PRDM4: variants seen among roughly 807,000 people sequenced by gnomAD.
PRDM4 encodes PR domain zinc finger protein 4.
PRDM4 carries 38 observed loss-of-function variants against 62.3 expected under a neutral mutation model. The ratio of observed to expected loss-of-function variants is 0.61; its 90% CI spans 0.47 to 0.80. The LOEUF is 0.80. Among genes scored for constraint, PRDM4 ranks in the 30% least tolerant of loss-of-function variants. The pLI, the probability that PRDM4 is intolerant of heterozygous loss-of-function variation, is 0.00. For missense variants in PRDM4, 858 were observed against 997.1 expected (o/e 0.86, Z 1.88); for synonymous variants, 339 against 348.2 (o/e 0.97, Z 0.30).
chr12:107,741,277 A>G lies in PRDM4; in HGVS notation c.1610-17T>C. ...CAGGAACACCTTTTAAAAAAAAATT[A>G]CTCATTATCTCCCAATACTTGAATC... On this transcript the variant is annotated splice_polypyrimidine_tract_variant and intron_variant, in intron 9 of 11. Coordinates refer to ENST00000228437, the MANE Select transcript of PRDM4 (RefSeq NM_012406.4). 2 of 1,589,880 alleles carry G rather than the reference A, an allele frequency of 1.3e-6. No individual in the cohort carries two copies. The highest frequency in any genetic ancestry group is 1.7e-6 in the Non-Finnish European group (2 of 1,163,520).
At chr12:107,740,087 T>C (rs1173880720) in intron 10 of PRDM4, among the ~76,000 whole-genome samples, 1 of 152,166 alleles carries the variant, frequency 6.6e-6, no homozygotes, top group Non-Finnish European at 1.5e-5. Flanking sequence ...TTGTGGGCCA[T>C]AAGGTCTCTG....
rs760813277 is a variant in PRDM4, at chr12:107,756,940, C to T, written c.37G>A (p.Val13Met). Residue 13 changes from valine to methionine, a missense_variant, in exon 3 of 12, where the codon GTG (valine) becomes ATG (methionine). Transcript: ENST00000228437. Reference sequence around the variant, plus strand: ...GATGAAGTCAGCTGCTCCATCCCCACTGGACTCAGGTTCATTTCATTCATC... The same window carrying T: ...GATGAAGTCAGCTGCTCCATCCCCATTGGACTCAGGTTCATTTCATTCATC... ...HRMNEMNLSP[V>M]GMEQLTSSSV... 2.5e-6 allele frequency: 4 copies of T among 1,614,170 alleles called. No homozygotes were observed. The South Asian group carries it at 4.4e-5, about 18-fold the overall frequency.
At chr12:107,744,232 C>T (rs1271767541) in intron 7 of PRDM4, among the ~76,000 whole-genome samples, 1 of 152,048 alleles carries the variant, frequency 6.6e-6, no homozygotes, top group Non-Finnish European at 1.5e-5. Flanking sequence ...ATCATACAAA[C>T]AAAGTCTGTG....
intron 3 of PRDM4, among the ~76,000 whole-genome samples, chr12:107,756,129 G>A (rs1288664295): frequency 2.0e-5 from 3 of 151,854 alleles, no homozygotes; most frequent in African/African-American, 4.8e-5. Context: ...GTGTAGGGGT[G>A]CATGCCTATA....
chr12:107,750,552 T>C (rs1369916467), intron 5 of PRDM4, among the ~76,000 whole-genome samples: 2 of 152,100 alleles, frequency 1.3e-5, no homozygotes, highest in Non-Finnish European at 2.9e-5. Context: ...TAAATTAAAA[T>C]AAGCACTCAA....
Position 107,751,483 on chromosome 12 carries a change from A to G in PRDM4, c.1058T>C (p.Val353Ala). 6.2e-7 allele frequency: 1 copy of G among 1,614,084 alleles called. No individual in the cohort carries two copies. Among genetic ancestry groups the G allele is most frequent in the Non-Finnish European group, 8.5e-7 (1 of 1,179,902 alleles). The change falls in exon 5 of 12, where the codon GTA becomes GCA. Residue 353 changes from valine to alanine, a missense_variant. Transcript: ENST00000228437. The stretch of plus-strand genomic sequence containing the variant: ...GTCTTCCATTTGCAGTGAAGGTGAT[A>G]CAAAAGAAAGACTGTCTGAAGATAC... ...VDVSSDSLSF[V>A]SPSLQMEDSN...
chr12:107,754,663 A>G (rs962985818), intron 3 of PRDM4, among the ~76,000 whole-genome samples: 8 of 152,172 alleles, frequency 5.3e-5, no homozygotes, highest in Admixed American at 2.0e-4. Flanking sequence ...GATTGCCACC[A>G]TGCCCAGCCA....
At chr12:107,742,161 T>C in intron 9 of PRDM4, 60 bp downstream of exon 9, 1 of 1,529,732 alleles carries the variant, frequency 6.5e-7, no homozygotes, top group Non-Finnish European at 8.9e-7. Context: ...ACCAAAACTT[T>C]AATCCTGGTC....
chr12:107,740,684 AT>A (rs1163745085), intron 10 of PRDM4, among the ~76,000 whole-genome samples: 1 of 152,112 alleles, frequency 6.6e-6, no homozygotes, highest in Non-Finnish European at 1.5e-5. Flanking sequence ...AGAAGCTTCT[AT>A]TTAAGACCAA....
At chr12:107,738,207 G>A (rs1171309924) in intron 11 of PRDM4, 1 of 152,140 alleles carries the variant, frequency 6.6e-6, no homozygotes, top group Non-Finnish European at 1.5e-5. Flanking sequence ...TAGACAGGAT[G>A]TTAAGACTAG....
At chr12:107,750,443 C>A (rs1176700839) in intron 5 of PRDM4, among the ~76,000 whole-genome samples, 1 of 152,054 alleles carries the variant, frequency 6.6e-6, no homozygotes, top group Non-Finnish European at 1.5e-5. Context: ...GCTCGGGAGG[C>A]TAAAGTGGGA....
intron 10 of PRDM4, among the ~76,000 whole-genome samples, chr12:107,740,416 G>A (rs750116014): frequency 2.0e-5 from 3 of 152,122 alleles, no homozygotes; most frequent in Non-Finnish European, 4.4e-5. Context: ...GAGTCCTGGA[G>A]GCAGAAGTAG....
In PRDM4 at chr12:107,734,024, A is replaced by C; in HGVS notation, c.*186T>G. ...AACAGGACACATGCTCAGTTTTCCC[A>C]ATCTGTTTTAAAGTGTTTTCATTAG... On this transcript the variant is annotated 3_prime_UTR_variant, in exon 12 of 12. Transcript: ENST00000228437. 1.7e-6 allele frequency: 1 copy of C among 604,996 alleles called. No homozygotes were observed. The highest frequency in any genetic ancestry group is 2.7e-6 in the Non-Finnish European group (1 of 364,648). The allele number at this position is 604,996 out of a possible 1,614,324, so 37.5% of individuals were successfully genotyped here. A position where few individuals can be genotyped will look rare whatever the true frequency, so the allele number is the denominator to read the frequency against.
chr12:107,760,993 C>T lies in PRDM4; in HGVS notation c.-293G>A. 1 of 150,398 alleles carries T rather than the reference C, an allele frequency of 6.6e-6. No individual in the cohort carries two copies. Among genetic ancestry groups the T allele is most frequent in the Middle Eastern group, 3.2e-3 (1 of 314 alleles). 9.3% of individuals were successfully genotyped at this position (150,398 alleles called of 1,614,324 possible). Reference sequence around the variant, plus strand: ...GCTGGGGGCGCACGCGCCTGCCCCACTGCTTTGTTCCTCATCCGGGCAGAG... The same window carrying T: ...GCTGGGGGCGCACGCGCCTGCCCCATTGCTTTGTTCCTCATCCGGGCAGAG... On this transcript the variant is annotated 5_prime_UTR_variant, in exon 1 of 12. In the 5' UTR this introduces an upstream ATG that the reference lacks. Transcript: ENST00000228437.
rs1891217678 is a variant in PRDM4, at chr12:107,760,707, T to C, written c.-192A>G. The C allele has an allele frequency of 4.8e-6, 3 of 625,008 alleles. No individual in the cohort carries two copies. Among genetic ancestry groups the C allele is most frequent in the Admixed American group, 6.2e-5 (2 of 32,152 alleles). The allele number at this position is 625,008 out of a possible 1,614,324, so 38.7% of individuals were successfully genotyped here. A position where few individuals can be genotyped will look rare whatever the true frequency, so the allele number is the denominator to read the frequency against. Reference sequence around the variant, plus strand: ...CGGTGGCCGTGCACCCCGCCACGGGTTGGGGCATCTCGGGGAACACCTGGG... The same window carrying C: ...CGGTGGCCGTGCACCCCGCCACGGGCTGGGGCATCTCGGGGAACACCTGGG... On this transcript the variant is annotated 5_prime_UTR_variant, in exon 2 of 12. Coordinates refer to ENST00000228437, the MANE Select transcript of PRDM4 (RefSeq NM_012406.4).
rs1891215564 is a variant in PRDM4, at chr12:107,760,627, G to C, written c.-112C>G. ...ACATCTTGCTCACAACCGCTGCACC[G>C]ACGCGGCCACTCGTCCCCGGGGTCG... On this transcript the variant is annotated 5_prime_UTR_variant, in exon 2 of 12. Transcript: ENST00000228437. 1 of 1,385,612 alleles carries C rather than the reference G, an allele frequency of 7.2e-7. No homozygotes were observed. 85.8% of individuals were successfully genotyped at this position (1,385,612 alleles called of 1,614,324 possible). A position where few individuals can be genotyped will look rare whatever the true frequency, so the allele number is the denominator to read the frequency against.
At chr12:107,756,785 T>G in intron 3 of PRDM4, 47 bp downstream of exon 3, 2 of 1,606,576 alleles carry the variant, frequency 1.2e-6, no homozygotes, top group Non-Finnish European at 1.7e-6. Flanking sequence ...TTAGAATTGA[T>G]AACAGAGTTA....
At chr12:107,745,262 A>G (rs556123665) in intron 6 of PRDM4, among the ~76,000 whole-genome samples, 5 of 152,228 alleles carry the variant, frequency 3.3e-5, no homozygotes, top group African/African-American at 7.2e-5. Context: ...CTCCAAATAC[A>G]TTATTTTGGA....
Position 107,741,067 on chromosome 12 carries a change from A to G in PRDM4, c.1803T>C (p.Ser601=). 1 of 1,614,150 alleles carries G rather than the reference A, an allele frequency of 6.2e-7. No homozygotes were observed. Among genetic ancestry groups the G allele is most frequent in the Non-Finnish European group, 8.5e-7 (1 of 1,180,028 alleles). Residue 601 remains serine, a synonymous_variant, in exon 10 of 12, where the codon TCT becomes TCC. Transcript: ENST00000228437. ...KCSMCPQAFI[S]PSKLHVHFMG... The stretch of plus-strand genomic sequence containing the variant: ...TAAAGTGGACATGAAGTTTGGAAGG[A>G]GAGATAAAAGCTTGGGGGCACATTG...
Sources: gnomAD v4.1 joint callset for allele counts (sites outside exome capture counted in the v4.1 genomes callset) on GRCh38, gnomAD v4.1.1 for gene constraint, MANE v1.5 for transcripts, NCBI Gene and HGNC (gene_info 2026-07-23, HGNC 2026-07-21) for gene names.